OR9Q1: variants seen among roughly 807,000 people sequenced by gnomAD.
OR9Q1 encodes the protein olfactory receptor family 9 subfamily Q member 1, also known as olfactory receptor 9Q1.
For missense variants in OR9Q1, 374 were observed against 378.8 expected (o/e 0.99, Z 0.11); for synonymous variants, 153 against 148.6 (o/e 1.03, Z -0.22).
chr11:58,108,975 C>T (rs1156952956), intron 2 of OR9Q1: 4 of 402,364 alleles, frequency 9.9e-6, no homozygotes, highest in Non-Finnish European at 2.0e-5. Context: ...CACCTGCCGA[C>T]TTCACCCTCA....
At chr11:58,150,432 C>CA (rs1477400703) in intron 2 of OR9Q1, among the ~76,000 whole-genome samples, 1 of 152,046 alleles carries the variant, frequency 6.6e-6, no homozygotes, top group Non-Finnish European at 1.5e-5. Flanking sequence ...CTTGCCTCTA[C>CA]AAAAAATAAA....
chr11:58,032,034 G>A, intron 1 of OR9Q1: 3 of 585,398 alleles, frequency 5.1e-6, no homozygotes, highest in South Asian at 2.3e-5. Flanking sequence ...ACAATACCTA[G>A]GAATACAACT....
chr11:58,099,121 C>A (rs1853759829), intron 2 of OR9Q1, among the ~76,000 whole-genome samples: 1 of 151,810 alleles, frequency 6.6e-6, no homozygotes, highest in South Asian at 2.1e-4. Flanking sequence ...ATTCTATATA[C>A]ACTTGAATGG....
chr11:58,037,698 T>A (rs1337260601), intron 1 of OR9Q1, among the ~76,000 whole-genome samples: 65 of 6,364 alleles, frequency 0.01, 3 homozygotes, highest in Non-Finnish European at 0.014. Flanking sequence ...TATTTTTTTT[T>A]TTTTTTTTTT....
intron 1 of OR9Q1, among the ~76,000 whole-genome samples, chr11:58,036,563 T>C (rs1410086790): frequency 1.3e-5 from 2 of 152,352 alleles, no homozygotes; most frequent in Admixed American, 6.5e-5. Flanking sequence ...CTGGAAAGGA[T>C]TGATCATTCT....
rs571363918 is a variant in OR9Q1 at position 58,053,701 on chromosome 11, C to T, written c.-92-2169C>T. Reference sequence around the variant, plus strand: ...TAAAAATATTTAATTCACAGTAAAGCGGATATAAACTAAGAAGTATCTTTT... The same window carrying T: ...TAAAAATATTTAATTCACAGTAAAGTGGATATAAACTAAGAAGTATCTTTT... On this transcript the variant is annotated intron_variant, in intron 1 of 2. Coordinates refer to ENST00000335397, the MANE Select transcript of OR9Q1 (RefSeq NM_001005212.4). Among the ~76,000 whole-genome samples the T allele has an allele frequency of 1.1e-4, 11 of 99,226 alleles. No homozygotes were observed. The South Asian group carries it at 1.2e-3, about 11-fold the overall frequency. 65.1% of individuals were successfully genotyped at this position (99,226 alleles called of 152,430 possible).
At chr11:58,025,617 A>G (rs1852966113) in intron 1 of OR9Q1, among the ~76,000 whole-genome samples, 1 of 152,170 alleles carries the variant, frequency 6.6e-6, no homozygotes, top group African/African-American at 2.4e-5. Flanking sequence ...GCTCAGAAAG[A>G]GTTTCTCATT....
intron 2 of OR9Q1, chr11:58,072,362 T>C (rs888732240): frequency 1.3e-5 from 2 of 153,296 alleles, no homozygotes; most frequent in African/African-American, 4.8e-5. Flanking sequence ...CTTTCTTCAG[T>C]GTCAAATCTT....
chr11:58,145,881 T>C (rs1854295150), intron 2 of OR9Q1, among the ~76,000 whole-genome samples: 1 of 152,190 alleles, frequency 6.6e-6, no homozygotes, highest in African/African-American at 2.4e-5. Context: ...TTGTGGATCA[T>C]AGTGTGGATA....
At chr11:58,108,899 G>A (rs1301532344) in intron 2 of OR9Q1, 4 of 359,898 alleles carry the variant, frequency 1.1e-5, no homozygotes, top group Non-Finnish European at 2.2e-5. Flanking sequence ...ATGAAGGCAA[G>A]TGTCCCAAAG....
intron 1 of OR9Q1, among the ~76,000 whole-genome samples, chr11:58,033,299 C>A (rs1047440697): frequency 1.4e-5 from 2 of 140,216 alleles, no homozygotes; most frequent in African/African-American, 5.4e-5. Flanking sequence ...ATGACACATG[C>A]ACTTGTATGT....
intron 1 of OR9Q1, among the ~76,000 whole-genome samples, chr11:58,055,384 G>C (rs1006399619): frequency 3.9e-5 from 6 of 152,100 alleles, no homozygotes; most frequent in Non-Finnish European, 7.3e-5. Flanking sequence ...CTATGGTTTG[G>C]ATGTTTGTGT....
chr11:58,066,042 G>A (rs777181008), intron 2 of OR9Q1, among the ~76,000 whole-genome samples: 1 of 152,168 alleles, frequency 6.6e-6, no homozygotes, highest in Non-Finnish European at 1.5e-5. Flanking sequence ...CCTGTAGTGG[G>A]TATGACAGGT....
chr11:58,173,100 A>C (rs1854570208), intron 2 of OR9Q1, among the ~76,000 whole-genome samples: 1 of 152,124 alleles, frequency 6.6e-6, no homozygotes, highest in Non-Finnish European at 1.5e-5. Context: ...GGGTATGAAA[A>C]AATCATAATG....
At chr11:58,039,542 T>A (rs573940128) in intron 1 of OR9Q1, among the ~76,000 whole-genome samples, 1 of 152,360 alleles carries the variant, frequency 6.6e-6, no homozygotes, top group East Asian at 1.9e-4. Context: ...CCCAGTATTT[T>A]GTGGGCTTCT....
In OR9Q1 at chr11:58,148,277, A is replaced by C. The variant is rs556065067; in HGVS notation, c.-14-31154A>C. On this transcript the variant is annotated intron_variant, in intron 2 of 2. Transcript: ENST00000335397. ...AGAATGATGGAGTGTAAACCATACAACACGTAATCTAGGGCCTTTGGCAGA... is the reference window on the plus strand; with the variant it reads ...AGAATGATGGAGTGTAAACCATACACCACGTAATCTAGGGCCTTTGGCAGA... 1.1e-4 allele frequency among the ~76,000 whole-genome samples: 16 copies of C among 152,254 alleles called. No homozygotes were observed. In the South Asian group the frequency reaches 2.1e-3, roughly 20 times the overall value.
chr11:58,103,124 A>G (rs1322858956), intron 2 of OR9Q1, among the ~76,000 whole-genome samples: 1 of 152,128 alleles, frequency 6.6e-6, no homozygotes, highest in Non-Finnish European at 1.5e-5. Flanking sequence ...ATTGACTCAC[A>G]GTTCCACAGG....
At chr11:58,098,641 CAAAT>C (rs766797662) in intron 2 of OR9Q1, among the ~76,000 whole-genome samples, 9 of 152,068 alleles carry the variant, frequency 5.9e-5, no homozygotes, top group African/African-American at 1.7e-4. Context: ...CTAAAATAAA[CAAAT>C]AAATAAATAA....
intron 1 of OR9Q1, among the ~76,000 whole-genome samples, chr11:58,034,076 T>TTTC (rs1416857839): frequency 6.0e-5 from 2 of 33,482 alleles, no homozygotes; most frequent in African/African-American, 1.7e-4. Flanking sequence ...AGCACTTGCT[T>TTTC]TTTTTTTTTT....
Sources: allele counts gnomAD v4.1 joint callset (sites outside exome capture counted in the v4.1 genomes callset), GRCh38; gene constraint gnomAD v4.1.1; transcripts MANE v1.5; gene names NCBI Gene and HGNC (gene_info 2026-07-23, HGNC 2026-07-21).